The following MBNL1 variants were observed in gnomAD, a reference collection of about 807,000 sequenced individuals.
MBNL1 encodes muscleblind like splicing regulator 1, also known as muscleblind-like protein 1.
A neutral mutation model predicts 42.2 loss-of-function variants in MBNL1; 8 were observed. The observed-to-expected ratio is 0.19, with a 90% confidence interval of 0.11 to 0.34. The LOEUF is 0.34. MBNL1 is among the 10% of genes least tolerant of loss of function. MBNL1 has a pLI of 1.00. For missense variants in MBNL1, 309 were observed against 495.3 expected (o/e 0.62, Z 3.57); for synonymous variants, 169 against 173.9 (o/e 0.97, Z 0.22).
At chr3:152,252,703 C>G (rs1320638345) in intron 2 of MBNL1, among the ~76,000 whole-genome samples, 2 of 152,032 alleles carry the variant, frequency 1.3e-5, no homozygotes, top group African/African-American at 4.8e-5. Context: ...TGGTAGTTCA[C>G]TTACCTTATG....
intron 1 of MBNL1, among the ~76,000 whole-genome samples, chr3:152,294,882 A>G (rs377433373): frequency 6.6e-6 from 1 of 152,342 alleles, no homozygotes; most frequent in South Asian, 2.1e-4. Context: ...AATTTACCAA[A>G]AGAGATTTCT....
At chr3:152,457,496 A>G (rs1458403583) in intron 8 of MBNL1, among the ~76,000 whole-genome samples, 2 of 152,384 alleles carry the variant, frequency 1.3e-5, no homozygotes, top group South Asian at 4.1e-4. Flanking sequence ...ACATTCAGCT[A>G]TTAGTACAGC....
intron 2 of MBNL1, among the ~76,000 whole-genome samples, chr3:152,249,755 T>G (rs1439511114): frequency 7.3e-6 from 1 of 137,006 alleles, no homozygotes; most frequent in African/African-American, 2.7e-5. Flanking sequence ...GTTTTAGGTC[T>G]AACGGTTAAG....
intron 4 of MBNL1, among the ~76,000 whole-genome samples, chr3:152,441,412 A>G (rs1290085447): frequency 1.3e-5 from 2 of 152,148 alleles, no homozygotes; most frequent in East Asian, 3.9e-4. Context: ...GACCTTTTAA[A>G]TAGATGTTAA....
chr3:152,387,192 A>C (rs921696601), intron 2 of MBNL1, among the ~76,000 whole-genome samples: 5 of 151,676 alleles, frequency 3.3e-5, no homozygotes, highest in African/African-American at 4.8e-5. Context: ...TAATTATTTC[A>C]GAGCGCTTTA....
intron 2 of MBNL1, among the ~76,000 whole-genome samples, chr3:152,324,632 G>A (rs1002692967): frequency 9.2e-5 from 14 of 152,016 alleles, no homozygotes; most frequent in Non-Finnish European, 1.3e-4. Flanking sequence ...GTTCTTTTTC[G>A]TTTTTTAAAA....
chr3:152,402,890 G>A (rs2098287081), intron 2 of MBNL1, among the ~76,000 whole-genome samples: 1 of 152,064 alleles, frequency 6.6e-6, no homozygotes, highest in African/African-American at 2.4e-5. Context: ...ATAGACTGTG[G>A]GCATGAGCCT....
intron 4 of MBNL1, among the ~76,000 whole-genome samples, chr3:152,444,757 C>T (rs2099197563): frequency 6.6e-6 from 1 of 152,204 alleles, no homozygotes; most frequent in African/African-American, 2.4e-5. Flanking sequence ...GTCTGTCTTG[C>T]ATGACCTTGA....
At chr3:152,456,494 A>G (rs1325699844) in intron 8 of MBNL1, 133 bp downstream of exon 8, 1 of 709,872 alleles carries the variant, frequency 1.4e-6, no homozygotes, top group African/African-American at 1.7e-5. Context: ...AGGGTGCTTT[A>G]ATAAGCATGG....
chr3:152,342,067 G>A (rs2093358482), intron 2 of MBNL1, among the ~76,000 whole-genome samples: 1 of 152,118 alleles, frequency 6.6e-6, no homozygotes, highest in African/African-American at 2.4e-5. Flanking sequence ...ACCTATACAA[G>A]TGAGGAAACT....
intron 2 of MBNL1, among the ~76,000 whole-genome samples, chr3:152,309,037 G>A (rs549302555): frequency 6.6e-6 from 1 of 152,250 alleles, no homozygotes; most frequent in African/African-American, 2.4e-5. Flanking sequence ...AGGTGGTGGC[G>A]GCAATGGTTA....
rs544769247 is a variant in MBNL1, at chr3:152,463,459, C to T, written c.*1093C>T. On this transcript the variant is annotated 3_prime_UTR_variant, in exon 10 of 10. Transcript: ENST00000324210. Reference sequence around the variant, plus strand: ...TAAATGCTTTGCAAAAATGGTTTCACGTTTGCTTAAATGCTTCATCACAGT... The same window carrying T: ...TAAATGCTTTGCAAAAATGGTTTCATGTTTGCTTAAATGCTTCATCACAGT... 5 of 152,430 alleles carry T rather than the reference C, an allele frequency of 3.3e-5. No individual in the cohort carries two copies. Among genetic ancestry groups the T allele is most frequent in the African/African-American group, 7.2e-5 (3 of 41,510 alleles). 9.4% of individuals were successfully genotyped at this position (152,430 alleles called of 1,614,324 possible). A position where few individuals can be genotyped will look rare whatever the true frequency, so the allele number is the denominator to read the frequency against.
chr3:152,283,874 C>T (rs1020738192), intron 1 of MBNL1, among the ~76,000 whole-genome samples: 1 of 152,154 alleles, frequency 6.6e-6, no homozygotes, highest in Non-Finnish European at 1.5e-5. Flanking sequence ...GAAACTTGTC[C>T]TTCCAGACCA....
At chr3:152,379,277 A>G (rs1002408537) in intron 2 of MBNL1, among the ~76,000 whole-genome samples, 10 of 152,148 alleles carry the variant, frequency 6.6e-5, no homozygotes, top group Admixed American at 5.2e-4. Context: ...TAATGTGGCT[A>G]TTTCTGAAAA....
chr3:152,299,664 A>G lies in MBNL1; in HGVS notation c.-530A>G, dbSNP rs2059965748. On this transcript the variant is annotated 5_prime_UTR_variant, in exon 2 of 10. Transcript: ENST00000324210. Reference sequence around the variant, plus strand: ...ATCTTCTGCCAGGAAATCAAGGAGGAAAAAAAAAATCATTTTCTCGATTTT... The same window carrying G: ...ATCTTCTGCCAGGAAATCAAGGAGGGAAAAAAAAATCATTTTCTCGATTTT... 1.3e-5 allele frequency: 5 copies of G among 385,560 alleles called. No individual in the cohort carries two copies. Among genetic ancestry groups the G allele is most frequent in the Non-Finnish European group, 1.8e-5 (4 of 219,140 alleles). 23.9% of individuals were successfully genotyped at this position (385,560 alleles called of 1,614,324 possible).
At chr3:152,344,257 C>G in intron 2 of MBNL1, among the ~76,000 whole-genome samples, 1 of 152,114 alleles carries the variant, frequency 6.6e-6, no homozygotes, top group Non-Finnish European at 1.5e-5. Context: ...AAAGAAAACA[C>G]AAAGCACAAA....
At chr3:152,443,485 T>TACACACACACACACAC (rs150370083) in intron 4 of MBNL1, among the ~76,000 whole-genome samples, 19,997 of 144,748 alleles carry the variant, frequency 0.14, 1,474 homozygotes, top group Middle Eastern at 0.17. Context: ...ATATTTAGCA[T>TACACACACACACACAC]ACACACACAC....
intron 6 of MBNL1, among the ~76,000 whole-genome samples, chr3:152,454,050 G>C (rs1728796872): frequency 6.6e-6 from 1 of 152,082 alleles, no homozygotes; most frequent in Non-Finnish European, 1.5e-5. Context: ...TTGCTCTACT[G>C]TCTCAAATTA....
intron 1 of MBNL1, among the ~76,000 whole-genome samples, chr3:152,294,549 G>C (rs1288555472): frequency 6.6e-6 from 1 of 152,068 alleles, no homozygotes; most frequent in East Asian, 1.9e-4. Context: ...CTCCCAAAGT[G>C]CTGGGATTAC....
Sources: allele counts gnomAD v4.1 joint callset (sites outside exome capture counted in the v4.1 genomes callset), GRCh38; gene constraint gnomAD v4.1.1; transcripts MANE v1.5; gene names NCBI Gene and HGNC (gene_info 2026-07-23, HGNC 2026-07-21).